DAPK1: variants seen among roughly 807,000 people sequenced by gnomAD.
DAPK1 encodes the protein death-associated protein kinase 1.
DAPK1 carries 56 observed loss-of-function variants against 144.9 expected under a neutral mutation model. The observed-to-expected ratio is 0.39, with a 90% CI of 0.31 to 0.48. The LOEUF (loss-of-function observed/expected upper bound fraction) is 0.48, where lower values mean the gene tolerates loss of function less well. DAPK1 is among the 20% of genes least tolerant of loss of function. The probability of loss-of-function intolerance (pLI) is 0.95; values close to 1 mark genes in which losing one functional copy is unlikely to be tolerated. For missense variants in DAPK1, 1,454 were observed against 1,875.4 expected (o/e 0.78, Z 4.15); for synonymous variants, 690 against 749.0 (o/e 0.92, Z 1.29).
At chr9:87,684,097 A>G (rs1210796278) in intron 20 of DAPK1, among the ~76,000 whole-genome samples, 1 of 152,254 alleles carries the variant, frequency 6.6e-6, no homozygotes, top group Non-Finnish European at 1.5e-5. Flanking sequence ...CAGCTTGTAC[A>G]TCAGCATCAG....
At chr9:87,588,034 A>G (rs925612870) in intron 2 of DAPK1, among the ~76,000 whole-genome samples, 6 of 152,342 alleles carry the variant, frequency 3.9e-5, no homozygotes, top group South Asian at 2.1e-4. Flanking sequence ...TTGTTTGTCA[A>G]TCATTGAGGT....
At chr9:87,616,102 C>A (rs920725718) in intron 3 of DAPK1, among the ~76,000 whole-genome samples, 3 of 152,222 alleles carry the variant, frequency 2.0e-5, no homozygotes, top group Non-Finnish European at 2.9e-5. Context: ...CCCAGGGCCC[C>A]TCACCTTTCT....
At chr9:87,499,841 G>C (rs1469797510) in intron 2 of DAPK1, among the ~76,000 whole-genome samples, 1 of 152,048 alleles carries the variant, frequency 6.6e-6, no homozygotes, top group African/African-American at 2.4e-5. Context: ...AGTTTCTTTC[G>C]GGGCATCTAA....
At position 87,708,497 on chromosome 9, in the gene DAPK1, T is replaced by C. The variant is rs1825714811; in HGVS notation, c.*1133T>C. ...TGAGAAGCATGTAATGTTAATGTTATATCATATGTATATATATATATGCAC... is the reference window on the plus strand; with the variant it reads ...TGAGAAGCATGTAATGTTAATGTTACATCATATGTATATATATATATGCAC... On this transcript the variant is annotated 3_prime_UTR_variant, in exon 26 of 26. Transcript: ENST00000408954. The C allele has an allele frequency of 6.5e-6, 1 of 152,702 alleles. No individual in the cohort carries two copies. The highest frequency in any genetic ancestry group is 2.1e-4 in the South Asian group (1 of 4,828). 9.5% of individuals were successfully genotyped at this position (152,702 alleles called of 1,614,324 possible). A position where few individuals can be genotyped will look rare whatever the true frequency, so the allele number is the denominator to read the frequency against.
chr9:87,633,379 A>G lies in DAPK1; in HGVS notation c.285-4564A>G, dbSNP rs139196880. Reference sequence around the variant, plus strand: ...GGGTGAGGGGGGATGGAGTGAATACATAGGGCCTTCTGGGCATCAGTTGAT... The same window carrying G: ...GGGTGAGGGGGGATGGAGTGAATACGTAGGGCCTTCTGGGCATCAGTTGAT... On this transcript the variant is annotated intron_variant, in intron 3 of 25. Transcript: ENST00000408954. The G allele has an allele frequency of 7.1e-6, 7 of 985,210 alleles. No homozygotes were observed. The South Asian group carries it at 1.9e-4, about 26-fold the overall frequency. 61.0% of individuals were successfully genotyped at this position (985,210 alleles called of 1,614,324 possible).
rs571107184 is a variant in DAPK1, at chr9:87,570,042, T to G, written c.63-34912T>G. On this transcript the variant is annotated intron_variant, in intron 2 of 25. Transcript: ENST00000408954. ...TATAAGACAAAAGCAATGTGTGTTT[T>G]TTCCTGCATCAGATTCTTTTACACC... 1.5e-4 allele frequency among the ~76,000 whole-genome samples: 23 copies of G among 152,354 alleles called. No individual in the cohort carries two copies. The South Asian group carries it at 4.8e-3, about 32-fold the overall frequency.
At chr9:87,548,499 A>G (rs1826347391) in intron 2 of DAPK1, among the ~76,000 whole-genome samples, 1 of 152,184 alleles carries the variant, frequency 6.6e-6, no homozygotes, top group Admixed American at 6.5e-5. Context: ...GTCAATAGAA[A>G]ACATTTGGTT....
rs180780782 is a variant in DAPK1 at position 87,613,025 on chromosome 9, G to A, written c.284+7850G>A. Among the ~76,000 whole-genome samples, 128 of 152,280 alleles carry A rather than the reference G, an allele frequency of 8.4e-4. 1 individual carries two copies. The East Asian group carries it at 0.017, about 20-fold the overall frequency. On this transcript the variant is annotated intron_variant, in intron 3 of 25. Transcript: ENST00000408954. ...CAATCCTAAATGTCTCCCCTTATTTGTTCTGCTTCCATTTCGAAGCACATC... is the reference window on the plus strand; with the variant it reads ...CAATCCTAAATGTCTCCCCTTATTTATTCTGCTTCCATTTCGAAGCACATC...
chr9:87,684,895 A>C (rs144563893), intron 20 of DAPK1, among the ~76,000 whole-genome samples: 2 of 152,206 alleles, frequency 1.3e-5, no homozygotes, highest in African/African-American at 2.4e-5. Flanking sequence ...CCCAACGAAA[A>C]CTGTCACCGA....
intron 19 of DAPK1, among the ~76,000 whole-genome samples, chr9:87,675,304 G>A (rs1396217556): frequency 1.3e-5 from 2 of 151,966 alleles, no homozygotes; most frequent in Non-Finnish European, 2.9e-5. Context: ...TGGCTGATGA[G>A]GACCTCTCTG....
chr9:87,568,239 C>A (rs191761489), intron 2 of DAPK1, among the ~76,000 whole-genome samples: 1 of 152,214 alleles, frequency 6.6e-6, no homozygotes, highest in Admixed American at 6.5e-5. Flanking sequence ...GCCTGCAGGC[C>A]GTGGGCCAAC....
intron 19 of DAPK1, 117 bp from the exon 20 acceptor site, chr9:87,681,287 A>G: frequency 1.4e-6 from 1 of 694,800 alleles, no homozygotes; most frequent in Non-Finnish European, 2.5e-6. Context: ...TCAAAAAAGA[A>G]AAAAAGAAAC....
At chr9:87,705,199 C>T (rs1368661027) in intron 25 of DAPK1, among the ~76,000 whole-genome samples, 1 of 150,264 alleles carries the variant, frequency 6.7e-6, no homozygotes, top group Non-Finnish European at 1.5e-5. Context: ...CATGAACTCT[C>T]ATATAGGCTA....
At chr9:87,636,354 A>G (rs1829894347) in intron 3 of DAPK1, among the ~76,000 whole-genome samples, 1 of 152,126 alleles carries the variant, frequency 6.6e-6, no homozygotes, top group Non-Finnish European at 1.5e-5. Context: ...GGGATAGGAG[A>G]GTCACTCCAC....
Position 87,634,625 on chromosome 9 carries a change from G to A in DAPK1, c.285-3318G>A, listed in dbSNP as rs36210669. ...GCCTGAAGGAGGATGGCACAATCAC[G>A]GTGCAGAAGAGCATGAGGATGAGAT... is the stretch of plus-strand genomic sequence containing the variant. On this transcript the variant is annotated intron_variant, in intron 3 of 25. Coordinates refer to ENST00000408954, the MANE Select transcript of DAPK1 (RefSeq NM_004938.4). Among the ~76,000 whole-genome samples, 626 of 152,298 alleles carry A rather than the reference G, an allele frequency of 4.1e-3. 4 individuals carry two copies. Among genetic ancestry groups the A allele is most frequent in the African/African-American group, 0.014 (593 of 41,556 alleles).
intron 2 of DAPK1, among the ~76,000 whole-genome samples, chr9:87,555,787 G>A (rs537582296): frequency 1.3e-5 from 2 of 152,352 alleles, no homozygotes; most frequent in African/African-American, 2.4e-5. Flanking sequence ...ACAGGCGTAA[G>A]CCACTGCAGC....
intron 3 of DAPK1, among the ~76,000 whole-genome samples, chr9:87,620,560 TAGGGGG>T (rs763056028): frequency 1.7e-4 from 14 of 83,134 alleles, no homozygotes; most frequent in Non-Finnish European, 2.9e-4. Context: ...AGAGAAGGAG[TAGGGGG>T]AGGGGGAGGG....
chr9:87,508,503 T>C (rs548540717), intron 2 of DAPK1, among the ~76,000 whole-genome samples: 1 of 151,950 alleles, frequency 6.6e-6, no homozygotes, highest in Non-Finnish European at 1.5e-5. Context: ...CCACCACACC[T>C]GGCTAATTTT....
chr9:87,524,236 C>T (rs1323106905), intron 2 of DAPK1, among the ~76,000 whole-genome samples: 1 of 152,196 alleles, frequency 6.6e-6, no homozygotes. Context: ...CACATTCCAG[C>T]ATGCCCTGAC....
Sources: gnomAD v4.1 joint callset for allele counts (sites outside exome capture counted in the v4.1 genomes callset) on GRCh38, gnomAD v4.1.1 for gene constraint, MANE v1.5 for transcripts, NCBI Gene and HGNC (gene_info 2026-07-23, HGNC 2026-07-21) for gene names.